Variants in DPP6 observed in about 807,000 individuals in gnomAD.
DPP6 encodes A-type potassium channel modulatory protein DPP6.
Under a neutral mutation model 122.6 loss-of-function variants are expected in DPP6, and 69 were observed. The observed-to-expected ratio is 0.56, with a 90% CI of 0.46 to 0.69. The LOEUF (loss-of-function observed/expected upper bound fraction) is 0.69. Among genes scored for constraint, DPP6 ranks in the 30% least tolerant of loss-of-function variants. DPP6 has a pLI of 0.00. For synonymous variants in DPP6, 418 were observed against 433.1 expected, an observed-to-expected ratio of 0.97 and a Z score of 0.43; for missense variants, 928 against 1,116.9, an observed-to-expected ratio of 0.83 and a Z score of 2.41.
At chr7:153,753,248 A>C in the DPP6 span, among the ~76,000 whole-genome samples, 6 of 151,698 alleles carry the variant, frequency 4.0e-5, no homozygotes, top group East Asian at 9.8e-4. Context: ...AGCATCTTGA[A>C]TCTTTAATTC....
intron 1 of DPP6, among the ~76,000 whole-genome samples, chr7:153,897,261 G>A (rs1199784695): frequency 2.6e-5 from 4 of 152,152 alleles, no homozygotes; most frequent in Non-Finnish European, 5.9e-5. Flanking sequence ...ACACCACAAT[G>A]TATTCTTTCA....
intron 1 of DPP6, among the ~76,000 whole-genome samples, chr7:154,008,052 C>T (rs1454206671): frequency 6.6e-6 from 1 of 152,194 alleles, no homozygotes; most frequent in African/African-American, 2.4e-5. Flanking sequence ...GTTTCCACCA[C>T]TATTAATGAC....
chr7:153,802,622 C>T, the DPP6 span, among the ~76,000 whole-genome samples: 9 of 152,106 alleles, frequency 5.9e-5, no homozygotes, highest in South Asian at 2.1e-4. Flanking sequence ...AAAATGCACT[C>T]GAATTTTATC....
chr7:154,846,234 G>GTA (rs1212596548), intron 16 of DPP6, among the ~76,000 whole-genome samples: 2 of 150,300 alleles, frequency 1.3e-5, no homozygotes, highest in East Asian at 1.9e-4. Flanking sequence ...GTATGTGTGG[G>GTA]TATATATATA....
At chr7:154,092,742 A>G (rs1585359445) in intron 1 of DPP6, 1 of 152,068 alleles carries the variant, frequency 6.6e-6, no homozygotes, top group African/African-American at 2.4e-5. Flanking sequence ...TGAAATGAAC[A>G]AGTAATTGTG....
At chr7:153,800,892 G>T in the DPP6 span, among the ~76,000 whole-genome samples, 1 of 152,124 alleles carries the variant, frequency 6.6e-6, no homozygotes, top group African/African-American at 2.4e-5. Flanking sequence ...ACAAAGAAAT[G>T]GTGTATGTTT....
chr7:154,825,200 C>T (rs981740935), intron 16 of DPP6, among the ~76,000 whole-genome samples: 2 of 152,174 alleles, frequency 1.3e-5, no homozygotes, highest in African/African-American at 2.4e-5. Flanking sequence ...CTCACTTGGT[C>T]ATTAAGAAAT....
chr7:154,008,717 A>T (rs1798024390), intron 1 of DPP6, among the ~76,000 whole-genome samples: 1 of 138,618 alleles, frequency 7.2e-6, no homozygotes, highest in African/African-American at 2.8e-5. Context: ...GCTGGAGTGC[A>T]GTGGCGCGAT....
At chr7:154,789,314 C>T (rs1296726844) in intron 10 of DPP6, among the ~76,000 whole-genome samples, 1 of 152,138 alleles carries the variant, frequency 6.6e-6, no homozygotes, top group Non-Finnish European at 1.5e-5. Context: ...TTACAATCTT[C>T]CTTAACACCC....
intron 5 of DPP6, among the ~76,000 whole-genome samples, chr7:154,583,281 G>A (rs1398239986): frequency 6.6e-6 from 1 of 152,184 alleles, no homozygotes; most frequent in African/African-American, 2.4e-5. Context: ...TTCTGGTGAC[G>A]GCTCACCTCT....
intron 10 of DPP6, among the ~76,000 whole-genome samples, chr7:154,786,368 C>T (rs1797334563): frequency 1.3e-5 from 2 of 152,122 alleles, no homozygotes. Context: ...TTGGCTATGT[C>T]CCCACCCAAA....
chr7:154,538,967 A>G (rs80111103), intron 3 of DPP6, among the ~76,000 whole-genome samples: 4,975 of 152,332 alleles, frequency 0.033, 273 homozygotes, highest in African/African-American at 0.11. Flanking sequence ...TGCATAAAGT[A>G]GATTGATCTA....
chr7:154,720,312 GC>G (rs1841732761), intron 7 of DPP6, among the ~76,000 whole-genome samples: 1 of 152,186 alleles, frequency 6.6e-6, no homozygotes, highest in African/African-American at 2.4e-5. Flanking sequence ...GGAGACAGTG[GC>G]CTTGCCTGTC....
the DPP6 span, among the ~76,000 whole-genome samples, chr7:153,881,276 T>C: frequency 6.6e-6 from 1 of 152,212 alleles, no homozygotes; most frequent in Non-Finnish European, 1.5e-5. Flanking sequence ...AGTTGTTAGA[T>C]GTGCAATTCT....
intron 1 of DPP6, among the ~76,000 whole-genome samples, chr7:154,184,332 G>A (rs1007446881): frequency 2.6e-5 from 4 of 151,856 alleles, no homozygotes; most frequent in African/African-American, 4.8e-5. Flanking sequence ...AGGGGGATCC[G>A]CTGGCAGGGG....
At chr7:154,230,809 G>A (rs149219546) in intron 1 of DPP6, among the ~76,000 whole-genome samples, 165 of 152,262 alleles carry the variant, frequency 1.1e-3, no homozygotes, top group African/African-American at 3.8e-3. Context: ...CCTGAGTGCC[G>A]GATACTGTTC....
intron 1 of DPP6, among the ~76,000 whole-genome samples, chr7:154,026,114 T>C (rs1275358395): frequency 6.6e-6 from 1 of 150,850 alleles, no homozygotes; most frequent in African/African-American, 2.4e-5. Context: ...TTTGGGGTGG[T>C]GTGAGGATCT....
intron 12 of DPP6, among the ~76,000 whole-genome samples, chr7:154,798,566 G>A (rs1798174607): frequency 1.3e-5 from 2 of 152,242 alleles, no homozygotes; most frequent in African/African-American, 2.4e-5. Context: ...ATAAGGTTCT[G>A]TGACAGGTGT....
chr7:153,810,669 CTCCT>C, the DPP6 span, among the ~76,000 whole-genome samples: 1 of 128,068 alleles, frequency 7.8e-6, no homozygotes, highest in Non-Finnish European at 1.6e-5. Flanking sequence ...TCCTCTCTCT[CTCCT>C]CTCTCTCTCT....
Sources: gnomAD v4.1 joint callset for allele counts (sites outside exome capture counted in the v4.1 genomes callset) on GRCh38, gnomAD v4.1.1 for gene constraint, MANE v1.5 for transcripts, NCBI Gene and HGNC (gene_info 2026-07-23, HGNC 2026-07-21) for gene names.